C1orf21: variants seen among roughly 807,000 people sequenced by gnomAD.
C1orf21 encodes the protein uncharacterized protein C1orf21.
A neutral mutation model predicts 18.7 loss-of-function variants in C1orf21; 3 were observed. The observed-to-expected ratio is 0.16, with a 90% CI of 0.07 to 0.42. The LOEUF (loss-of-function observed/expected upper bound fraction) is 0.42. C1orf21 is among the 10% of genes least tolerant of loss of function. C1orf21 has a pLI of 0.99. For synonymous variants in C1orf21, 41 were observed against 46.4 expected (o/e 0.88, Z 0.47); for missense variants, 104 against 143.6 (o/e 0.72, Z 1.41).
At chr1:184,487,462 C>T (rs1657749338) in intron 2 of C1orf21, among the ~76,000 whole-genome samples, 1 of 152,164 alleles carries the variant, frequency 6.6e-6, no homozygotes, top group Non-Finnish European at 1.5e-5. Context: ...TAAAAACTAC[C>T]CCAGTTCACT....
intron 4 of C1orf21, among the ~76,000 whole-genome samples, chr1:184,596,066 T>C (rs1329064203): frequency 6.6e-6 from 1 of 152,216 alleles, no homozygotes; most frequent in African/African-American, 2.4e-5. Flanking sequence ...CCCGACCCTG[T>C]GATAAGTGCA....
intron 2 of C1orf21, among the ~76,000 whole-genome samples, chr1:184,501,700 A>G (rs905848734): frequency 6.6e-6 from 1 of 152,224 alleles, no homozygotes; most frequent in African/African-American, 2.4e-5. Flanking sequence ...AAACACAGAA[A>G]GGATAGCAGG....
intron 4 of C1orf21, among the ~76,000 whole-genome samples, chr1:184,593,258 C>T (rs779861483): frequency 2.7e-5 from 4 of 148,750 alleles, no homozygotes; most frequent in Non-Finnish European, 5.9e-5. Context: ...CTGTTTTCCC[C>T]ACAGCAGCAT....
chr1:184,422,133 AAG>A (rs1480877735), intron 1 of C1orf21, among the ~76,000 whole-genome samples: 1 of 152,152 alleles, frequency 6.6e-6, no homozygotes, highest in Non-Finnish European at 1.5e-5. Context: ...TGGCTAGAGA[AAG>A]AGTATCAGGC....
At chr1:184,397,995 T>G (rs1304106414) in intron 1 of C1orf21, among the ~76,000 whole-genome samples, 1 of 152,000 alleles carries the variant, frequency 6.6e-6, no homozygotes, top group East Asian at 1.9e-4. Flanking sequence ...TATTGCAGAG[T>G]ATGTTTGTTA....
chr1:184,588,545 C>G (rs778249141), intron 3 of C1orf21, among the ~76,000 whole-genome samples: 1 of 152,170 alleles, frequency 6.6e-6, no homozygotes, highest in Non-Finnish European at 1.5e-5. Context: ...TGTATGGTCT[C>G]AGGTAAGTGC....
intron 1 of C1orf21, among the ~76,000 whole-genome samples, chr1:184,473,482 G>C (rs992736802): frequency 3.3e-5 from 5 of 152,094 alleles, no homozygotes; most frequent in African/African-American, 1.2e-4. Flanking sequence ...AAAAAATGCT[G>C]GAGTTTACGT....
chr1:184,619,696 A>C lies in C1orf21; in HGVS notation c.*140A>C, dbSNP rs569368877. 91 of 620,992 alleles carry C rather than the reference A, an allele frequency of 1.5e-4. 1 individual carries two copies. The African/African-American group carries it at 1.5e-3, about 10-fold the overall frequency. The allele number at this position is 620,992 out of a possible 1,614,324, so 38.5% of individuals were successfully genotyped here. ...TCGTTCCATATTGTACGCCCCATTAAATTACAGTGTTTCTTAATGAACTTG... is the reference window on the plus strand; with the variant it reads ...TCGTTCCATATTGTACGCCCCATTACATTACAGTGTTTCTTAATGAACTTG... On this transcript the variant is annotated 3_prime_UTR_variant, in exon 6 of 6. Transcript: ENST00000235307.
intron 3 of C1orf21, among the ~76,000 whole-genome samples, chr1:184,541,801 A>G (rs1447216406): frequency 6.6e-6 from 1 of 152,166 alleles, no homozygotes; most frequent in Admixed American, 6.5e-5. Context: ...TTTTCATTTA[A>G]TAATCTGGAA....
intron 1 of C1orf21, among the ~76,000 whole-genome samples, chr1:184,450,014 G>A (rs1000512631): frequency 6.6e-6 from 1 of 152,170 alleles, no homozygotes; most frequent in Non-Finnish European, 1.5e-5. Flanking sequence ...AACACAAGAC[G>A]GAGGGAGGTA....
chr1:184,498,516 C>G (rs904085684), intron 2 of C1orf21, among the ~76,000 whole-genome samples: 8 of 152,038 alleles, frequency 5.3e-5, no homozygotes, highest in Non-Finnish European at 1.2e-4. Flanking sequence ...AATCCATAAC[C>G]GTCAGTCTCG....
intron 5 of C1orf21, among the ~76,000 whole-genome samples, chr1:184,603,314 C>T (rs1659608893): frequency 6.6e-6 from 1 of 152,292 alleles, no homozygotes; most frequent in South Asian, 2.1e-4. Context: ...TTCTTATATC[C>T]CCTCCTTCCT....
At chr1:184,560,405 A>G (rs908109596) in intron 3 of C1orf21, among the ~76,000 whole-genome samples, 2 of 152,198 alleles carry the variant, frequency 1.3e-5, no homozygotes, top group African/African-American at 4.8e-5. Context: ...ACTAGAATGA[A>G]TAAGATGATG....
At chr1:184,410,508 T>C (rs975876296) in intron 1 of C1orf21, among the ~76,000 whole-genome samples, 1 of 146,784 alleles carries the variant, frequency 6.8e-6, no homozygotes, top group Non-Finnish European at 1.5e-5. Context: ...TAATGGCATA[T>C]GATGGTATTA....
chr1:184,443,705 C>CA (rs2101976160), intron 1 of C1orf21, among the ~76,000 whole-genome samples: 1 of 152,270 alleles, frequency 6.6e-6, no homozygotes, highest in Admixed American at 6.5e-5. Flanking sequence ...CCTGCAGGGA[C>CA]AGTACTGAAC....
intron 3 of C1orf21, chr1:184,566,927 C>G: frequency 3.8e-6 from 2 of 520,386 alleles, no homozygotes; most frequent in Non-Finnish European, 7.9e-6. Flanking sequence ...AATACCATCT[C>G]CTGTCATCAG....
intron 1 of C1orf21, among the ~76,000 whole-genome samples, chr1:184,398,503 C>A (rs1656098524): frequency 6.6e-6 from 1 of 152,192 alleles, no homozygotes; most frequent in Non-Finnish European, 1.5e-5. Context: ...TGAAGCAAAT[C>A]AGACATTGTA....
At chr1:184,533,153 C>G (rs936007590) in intron 3 of C1orf21, among the ~76,000 whole-genome samples, 3 of 152,060 alleles carry the variant, frequency 2.0e-5, no homozygotes, top group Non-Finnish European at 4.4e-5. Context: ...CTCTCCCTTC[C>G]CTCTGGCTCA....
At chr1:184,509,643 C>T (rs1463128801) in intron 3 of C1orf21, among the ~76,000 whole-genome samples, 1 of 152,032 alleles carries the variant, frequency 6.6e-6, no homozygotes, top group Non-Finnish European at 1.5e-5. Context: ...CCAATAGCCT[C>T]CTAAACTTGA....
Sources: gnomAD v4.1 joint callset for allele counts (sites outside exome capture counted in the v4.1 genomes callset) on GRCh38, gnomAD v4.1.1 for gene constraint, MANE v1.5 for transcripts, NCBI Gene and HGNC (gene_info 2026-07-23, HGNC 2026-07-21) for gene names.